Variants in NCOR2 observed in about 807,000 individuals in gnomAD.
The protein encoded by NCOR2 is nuclear receptor corepressor 2, also known as CTG repeat protein 26.
A neutral mutation model predicts 262.9 loss-of-function variants in NCOR2; 81 were observed. The ratio of observed to expected loss-of-function variants is 0.31; its 90% confidence interval spans 0.26 to 0.37. The LOEUF (loss-of-function observed/expected upper bound fraction) is 0.37. Among genes scored for constraint, NCOR2 ranks in the 10% least tolerant of loss-of-function variants. NCOR2 has a pLI of 1.00. For synonymous variants in NCOR2, 1,659 were observed against 1,559.3 expected, an observed-to-expected ratio of 1.06 and a Z score of -1.51; for missense variants, 3,385 against 3,621.4, an observed-to-expected ratio of 0.93 and a Z score of 1.68.
At chr12:124,495,348 G>A (rs185497157), upstream of NCOR2, 2,130 of 1,457,630 alleles carry the variant, frequency 1.5e-3, 2 homozygotes, top group Admixed American at 3.3e-3. The surrounding 1 kb of genome is among the most constrained non-coding windows in gnomAD (Gnocchi z 4.4). Flanking sequence ...ATCAGCTCAC[G>A]GGCCACCCCG....
intron 17 of NCOR2, among the ~76,000 whole-genome samples, chr12:124,382,832 C>T (rs188896948): frequency 6.6e-6 from 1 of 152,334 alleles, no homozygotes; most frequent in East Asian, 1.9e-4. Flanking sequence ...CCACCCTTTA[C>T]AAAAAGAAAC....
exon 14 of NCOR2, chr12:124,402,410 A>T: frequency 6.2e-7 from 1 of 1,614,024 alleles, no homozygotes; most frequent in Non-Finnish European, 8.5e-7. Flanking sequence ...TTACTTGAGG[A>T]GGTCTTCCTT....
chr12:124,334,636 G>A lies in NCOR2; in HGVS notation c.6412-19C>T, dbSNP rs1177222039. 3 of 1,281,164 alleles carry A rather than the reference G, an allele frequency of 2.3e-6. No individual in the cohort carries two copies. The highest frequency in any genetic ancestry group is 3.8e-5 in the Admixed American group (1 of 26,292). The allele number at this position is 1,281,164 out of a possible 1,614,324, so 79.4% of individuals were successfully genotyped here. Reference sequence around the variant, plus strand: ...TGACCTCCTGCAGGCAAGTGGGGGGGCCCAGAGTCAGGCAGCACTCTCCTG... The same window carrying A: ...TGACCTCCTGCAGGCAAGTGGGGGGACCCAGAGTCAGGCAGCACTCTCCTG... On this transcript the variant is annotated intron_variant, in intron 40 of 46. Transcript: ENST00000405201.
At chr12:124,529,249 C>T (rs2050658693) in intron 1 of NCOR2, among the ~76,000 whole-genome samples, 1 of 149,246 alleles carries the variant, frequency 6.7e-6, no homozygotes, top group African/African-American at 2.5e-5. Flanking sequence ...AGTGGATGAC[C>T]TGAGGTCAGG....
At position 124,527,099 on chromosome 12, in the gene NCOR2, G is replaced by A. The variant is rs1187686968; in HGVS notation, c.-118+8466C>T. Reference sequence around the variant, plus strand: ...ATCTGTTTATGGCAGTCGTGGAAGGGATGATGAGATCTTTTCAGCAGTGAA... The same window carrying A: ...ATCTGTTTATGGCAGTCGTGGAAGGAATGATGAGATCTTTTCAGCAGTGAA... On this transcript the variant is annotated intron_variant, in intron 1 of 46. Coordinates refer to the NCOR2 transcript ENST00000404621. Among the ~76,000 whole-genome samples the A allele has an allele frequency of 3.3e-5, 5 of 152,372 alleles. No homozygotes were observed. In the East Asian group the frequency reaches 7.7e-4, roughly 24 times the overall value.
intron 20 of NCOR2, 103 bp downstream of exon 22, chr12:124,371,919 C>T (rs971450638): frequency 2.4e-6 from 3 of 1,238,130 alleles, no homozygotes; most frequent in African/African-American, 1.5e-5. Flanking sequence ...CGGGCTCCCC[C>T]AAAGCAGGCA....
At position 124,407,612 on chromosome 12, in the gene NCOR2, C is replaced by T. The variant is rs796180146; in HGVS notation, c.1483-5051G>A. On this transcript the variant is annotated intron_variant, in intron 13 of 46. Transcript: ENST00000405201. ...TCGCAGGAAGGAAGACGGTGGATTC[C>T]GGGAATGAGAGGAGACAGTCCAGTG... Among the ~76,000 whole-genome samples the T allele has an allele frequency of 9.2e-5, 14 of 152,282 alleles. 1 individual carries two copies. The highest frequency in any genetic ancestry group is 3.4e-4 in the African/African-American group (14 of 41,552).
intron 4 of NCOR2, among the ~76,000 whole-genome samples, 173 bp downstream of exon 6, chr12:124,472,778 AT>A (rs1391130681): frequency 6.6e-6 from 1 of 152,232 alleles, no homozygotes; most frequent in Non-Finnish European, 1.5e-5. Context: ...CAGTGTTTCC[AT>A]CATGGCAGAA....
At chr12:124,506,977 C>T (rs948434440) in intron 1 of NCOR2, among the ~76,000 whole-genome samples, 6 of 152,112 alleles carry the variant, frequency 3.9e-5, no homozygotes, top group Non-Finnish European at 5.9e-5. Flanking sequence ...CTAAAGGATG[C>T]GGACGGGGTT....
chr12:124,388,895 AGC>A, intron 16 of NCOR2: 1 of 447,324 alleles, frequency 2.2e-6, no homozygotes, highest in Non-Finnish European at 3.0e-6. Context: ...GGAGGGAGGG[AGC>A]GAGGGAGGGA....
At chr12:124,368,046 C>T (rs1269000345) in intron 20 of NCOR2, among the ~76,000 whole-genome samples, 1 of 152,220 alleles carries the variant, frequency 6.6e-6, no homozygotes, top group Non-Finnish European at 1.5e-5. Flanking sequence ...AGGGGCCCCA[C>T]CCTGCCTACC....
intron 1 of NCOR2, among the ~76,000 whole-genome samples, chr12:124,501,784 G>A (rs185223283): frequency 3.7e-4 from 56 of 152,350 alleles, no homozygotes; most frequent in Admixed American, 1.2e-3. Flanking sequence ...CCTTAAGGGA[G>A]AACACTACCT....
chr12:124,340,917 T>C (rs991993337), intron 34 of NCOR2, among the ~76,000 whole-genome samples, 166 bp from the exon 37 acceptor site: 1 of 152,166 alleles, frequency 6.6e-6, no homozygotes, highest in African/African-American at 2.4e-5. Context: ...GGAACCCTTT[T>C]CTGAATGCTC....
At chr12:124,334,028 G>GTGT (rs1593094229) in intron 41 of NCOR2, among the ~76,000 whole-genome samples, 1 of 150,430 alleles carries the variant, frequency 6.6e-6, no homozygotes, top group Non-Finnish European at 1.5e-5. Flanking sequence ...GTGCATGTGT[G>GTGT]GAAAGGCTGC....
intron 5 of NCOR2, among the ~76,000 whole-genome samples, chr12:124,462,509 G>A (rs529782946): frequency 2.0e-5 from 3 of 152,344 alleles, no homozygotes; most frequent in South Asian, 4.1e-4. Flanking sequence ...AGCAGGAAAA[G>A]CGGCAGGTCA....
chr12:124,362,303 G>A lies in NCOR2; in HGVS notation c.2929-6C>T, dbSNP rs1391897473. 1 of 1,321,214 alleles carries A rather than the reference G, an allele frequency of 7.6e-7. No individual in the cohort carries two copies. Among genetic ancestry groups the A allele is most frequent in the Admixed American group, 2.9e-5 (1 of 34,420 alleles). 81.8% of individuals were successfully genotyped at this position (1,321,214 alleles called of 1,614,324 possible). On this transcript the variant is annotated splice_polypyrimidine_tract_variant and splice_region_variant and intron_variant, in intron 21 of 46. Coordinates refer to ENST00000405201, the Ensembl canonical transcript of NCOR2. ...TCATGGACTTTGGTGACCTGCTGAG[G>A]GAAGCAGGCAGAAGTGAGCATTCAC...
chr12:124,453,935 C>T (rs192051003), intron 6 of NCOR2, among the ~76,000 whole-genome samples: 95 of 152,336 alleles, frequency 6.2e-4, no homozygotes, highest in African/African-American at 1.7e-3. Context: ...CCGTCCCTGC[C>T]GAGGGGAGGG....
At chr12:124,439,611 G>A (rs1315675845) in intron 7 of NCOR2, among the ~76,000 whole-genome samples, 1 of 152,104 alleles carries the variant, frequency 6.6e-6, no homozygotes, top group Non-Finnish European at 1.5e-5. Context: ...GAGACTGGGA[G>A]AAGGGGAGAC....
intron 13 of NCOR2, among the ~76,000 whole-genome samples, chr12:124,413,738 G>A (rs906233876): frequency 1.3e-5 from 2 of 152,132 alleles, no homozygotes; most frequent in African/African-American, 4.8e-5. Flanking sequence ...GGGAGACAGA[G>A]ATGGGGAGGA....
Sources: allele counts gnomAD v4.1 joint callset (sites outside exome capture counted in the v4.1 genomes callset), GRCh38; gene constraint gnomAD v4.1.1; non-coding constraint Gnocchi (gnomAD v3.1); transcripts MANE v1.5; gene names NCBI Gene and HGNC (gene_info 2026-07-23, HGNC 2026-07-21).